Variants in ALPK2 observed in about 807,000 individuals in gnomAD.
The protein encoded by ALPK2 is alpha-protein kinase 2.
A neutral mutation model predicts 163.1 loss-of-function variants in ALPK2; 127 were observed. The ratio of observed to expected loss-of-function variants is 0.78; its 90% CI spans 0.67 to 0.90. ALPK2 has a LOEUF of 0.90. ALPK2 is among the 40% of genes least tolerant of loss of function. The pLI is 0.00. For synonymous variants in ALPK2, 953 were observed against 959.1 expected (o/e 0.99, Z 0.12); for missense variants, 2,360 against 2,589.6 (o/e 0.91, Z 1.92).
At chr18:58,612,700 G>A (rs1168409034) in intron 1 of ALPK2, among the ~76,000 whole-genome samples, 1 of 152,228 alleles carries the variant, frequency 6.6e-6, no homozygotes, top group East Asian at 1.9e-4. Context: ...CAGCCCTGAG[G>A]GCGCAGGTTG....
At chr18:58,525,389 G>T (rs1463697392) in intron 6 of ALPK2, among the ~76,000 whole-genome samples, 1 of 152,204 alleles carries the variant, frequency 6.6e-6, no homozygotes, top group Non-Finnish European at 1.5e-5. Flanking sequence ...GAGGAGGCTT[G>T]TGGAAAGTCC....
At chr18:58,550,223 C>T (rs1555670949) in intron 4 of ALPK2, among the ~76,000 whole-genome samples, 1 of 152,044 alleles carries the variant, frequency 6.6e-6, no homozygotes, top group African/African-American at 2.4e-5. Flanking sequence ...TTATCTATGC[C>T]TCTCTCACAG....
At chr18:58,570,308 A>G (rs1374000674) in intron 4 of ALPK2, among the ~76,000 whole-genome samples, 1 of 152,194 alleles carries the variant, frequency 6.6e-6, no homozygotes, top group African/African-American at 2.4e-5. Flanking sequence ...GTATTACAAG[A>G]TGGTTTAGAT....
chr18:58,483,113 T>C (rs112301312), intron 12 of ALPK2, among the ~76,000 whole-genome samples: 3 of 152,196 alleles, frequency 2.0e-5, no homozygotes, highest in African/African-American at 7.2e-5. Flanking sequence ...TGGCATCTCC[T>C]TGAGATGTCC....
intron 5 of ALPK2, among the ~76,000 whole-genome samples, chr18:58,529,538 G>A (rs374609730): frequency 1.3e-5 from 2 of 152,290 alleles, no homozygotes; most frequent in East Asian, 3.9e-4. Context: ...GAGGATTTTA[G>A]ATATCTATTC....
chr18:58,594,374 A>C (rs1297590576), intron 3 of ALPK2, among the ~76,000 whole-genome samples: 1 of 152,240 alleles, frequency 6.6e-6, no homozygotes, highest in Non-Finnish European at 1.5e-5. Flanking sequence ...AAAGTTATCC[A>C]GAAACAATTT....
intron 5 of ALPK2, among the ~76,000 whole-genome samples, chr18:58,532,627 CTA>C (rs2051622085): frequency 6.6e-6 from 1 of 152,184 alleles, no homozygotes; most frequent in Non-Finnish European, 1.5e-5. Context: ...ACTAAGCTCT[CTA>C]TTTATTTCAT....
At chr18:58,606,581 C>T (rs1364131124) in intron 3 of ALPK2, among the ~76,000 whole-genome samples, 1 of 152,138 alleles carries the variant, frequency 6.6e-6, no homozygotes, top group Non-Finnish European at 1.5e-5. Context: ...AGCTGGAACT[C>T]AGTAAGTCTT....
chr18:58,495,171 G>C (rs568344387), intron 12 of ALPK2, among the ~76,000 whole-genome samples: 2 of 152,288 alleles, frequency 1.3e-5, no homozygotes, highest in Admixed American at 1.3e-4. Context: ...GCTCTGTTTG[G>C]AGAAGTTTTA....
At chr18:58,530,616 C>A (rs1475063606) in intron 5 of ALPK2, among the ~76,000 whole-genome samples, 1 of 152,144 alleles carries the variant, frequency 6.6e-6, no homozygotes, top group African/African-American at 2.4e-5. Context: ...TTGTACCGAA[C>A]ACAAGGAAAA....
intron 4 of ALPK2, among the ~76,000 whole-genome samples, chr18:58,571,121 A>G (rs1248332855): frequency 1.3e-5 from 2 of 151,954 alleles, no homozygotes; most frequent in African/African-American, 4.8e-5. Context: ...TCCCACGTTC[A>G]AGCAATTCTC....
Position 58,481,891 on chromosome 18 carries a change from T to C in ALPK2, c.6445A>G (p.Lys2149Glu), listed in dbSNP as rs767948648. 4.3e-6 allele frequency: 7 copies of C among 1,614,080 alleles called. No homozygotes were observed. The East Asian group carries it at 6.7e-5, about 15-fold the overall frequency. Residue 2149 changes from lysine to glutamate, a missense_variant, in exon 13 of 13, where the codon AAA becomes GAA. By Grantham distance (56) the Lys-to-Glu change is moderately conservative. Transcript: ENST00000361673. ...ATTGTCATAGAGTTTGTTTGAACTTTGCTTTTCCCAATGCTCGGCTGCTTC... is the reference window on the plus strand; with the variant it reads ...ATTGTCATAGAGTTTGTTTGAACTTCGCTTTTCCCAATGCTCGGCTGCTTC... ...KQKQPSIGKSKVQTNSMTIKK... is the reference protein window; with the variant it reads ...KQKQPSIGKSEVQTNSMTIKK...
At chr18:58,591,253 C>T (rs1007918061) in intron 3 of ALPK2, among the ~76,000 whole-genome samples, 6 of 152,258 alleles carry the variant, frequency 3.9e-5, no homozygotes, top group Middle Eastern at 3.4e-3. Context: ...CTAACAGATA[C>T]AGGAATTGGA....
chr18:58,528,936 T>C (rs1435132896), intron 6 of ALPK2, 155 bp downstream of exon 6: 3 of 908,236 alleles, frequency 3.3e-6, no homozygotes, highest in South Asian at 1.7e-5. Context: ...ACACTTGTCT[T>C]CCGATATTTA....
At chr18:58,582,961 C>A (rs68016020) in intron 3 of ALPK2, among the ~76,000 whole-genome samples, 50,670 of 151,840 alleles carry the variant, frequency 0.33, 8,652 homozygotes, top group East Asian at 0.4. Flanking sequence ...TAGAGGCAGC[C>A]CCTAAGTAGC....
rs1348577433 is a variant in ALPK2 at position 58,505,498 on chromosome 18, C to G, written c.6030-1350G>C. Among the ~76,000 whole-genome samples the G allele has an allele frequency of 3.3e-5, 5 of 152,252 alleles. No individual in the cohort carries two copies. The East Asian group carries it at 5.8e-4, about 18-fold the overall frequency. ...GCTCCATCCTGAACCACCTCCTCTA[C>G]AGGTGCCCTGGTCCCCGCCCCTCTC... On this transcript the variant is annotated intron_variant, in intron 10 of 12. Transcript: ENST00000361673.
chr18:58,512,754 GTGTGTA>G (rs901705403), intron 10 of ALPK2, among the ~76,000 whole-genome samples: 13 of 147,898 alleles, frequency 8.8e-5, no homozygotes, highest in African/African-American at 1.5e-4. Flanking sequence ...GGTGTGTGTT[GTGTGTA>G]TGTGTATGTG....
chr18:58,541,159 C>T (rs922185398), intron 4 of ALPK2, among the ~76,000 whole-genome samples: 3 of 152,346 alleles, frequency 2.0e-5, no homozygotes, highest in East Asian at 1.9e-4. Context: ...AATTGGCTCA[C>T]GGTTCCACCG....
chr18:58,621,607 G>C (rs570760906), intron 1 of ALPK2, among the ~76,000 whole-genome samples: 1 of 152,290 alleles, frequency 6.6e-6, no homozygotes, highest in East Asian at 1.9e-4. Context: ...AGAAGGAGGA[G>C]GAGGAGGAGA....
Sources: gnomAD v4.1 joint callset for allele counts (sites outside exome capture counted in the v4.1 genomes callset) on GRCh38, gnomAD v4.1.1 for gene constraint, MANE v1.5 for transcripts, NCBI Gene and HGNC (gene_info 2026-07-23, HGNC 2026-07-21) for gene names.